APBB1IP: variants seen among roughly 807,000 people sequenced by gnomAD.
APBB1IP encodes the protein amyloid beta precursor protein binding family B member 1 interacting protein.
APBB1IP carries 27 observed loss-of-function variants against 64.9 expected under a neutral mutation model. The ratio of observed to expected loss-of-function variants is 0.42; its 90% CI spans 0.31 to 0.57. The LOEUF (loss-of-function observed/expected upper bound fraction) is 0.57. Among genes scored for constraint, APBB1IP ranks in the 20% least tolerant of loss-of-function variants. APBB1IP has a pLI of 0.20. For synonymous variants in APBB1IP, 392 were observed against 331.0 expected (o/e 1.18, Z -2.00); for missense variants, 812 against 845.5 (o/e 0.96, Z 0.49).
chr10:26,458,609 C>T (rs763019567), intron 2 of APBB1IP, among the ~76,000 whole-genome samples: 3 of 152,114 alleles, frequency 2.0e-5, no homozygotes, highest in Non-Finnish European at 2.9e-5. Context: ...TATATCAGAG[C>T]ATCACTGGAC....
chr10:26,500,444 C>T (rs1386900101), intron 4 of APBB1IP, among the ~76,000 whole-genome samples: 1 of 152,122 alleles, frequency 6.6e-6, no homozygotes, highest in Non-Finnish European at 1.5e-5. Context: ...TTCCAATGCT[C>T]CCCCCTCTGC....
chr10:26,504,496 G>A (rs576083344), intron 6 of APBB1IP, among the ~76,000 whole-genome samples: 1 of 152,224 alleles, frequency 6.6e-6, no homozygotes, highest in Admixed American at 6.5e-5. Flanking sequence ...GATCACCTGA[G>A]GTCAGGAGTT....
intron 2 of APBB1IP, among the ~76,000 whole-genome samples, chr10:26,443,551 C>T (rs201117556): frequency 1.0e-5 from 1 of 98,172 alleles, no homozygotes; most frequent in African/African-American, 4.3e-5. Flanking sequence ...TTTATTCATT[C>T]ATTCATTCAT....
At chr10:26,513,701 A>G in intron 8 of APBB1IP, 41 bp downstream of exon 8, 2 of 1,525,594 alleles carry the variant, frequency 1.3e-6, no homozygotes, top group Non-Finnish European at 1.7e-6. Context: ...TAAAGTACAA[A>G]GGATTTTTTT....
Position 26,561,235 on chromosome 10 carries a change from A to AT in APBB1IP, c.1369+397dup, listed in dbSNP as rs558626089. On this transcript the variant is annotated intron_variant, in intron 13 of 14. Coordinates refer to ENST00000376236, the MANE Select transcript of APBB1IP (RefSeq NM_019043.4). ...AAGCGCCCGCCACCATGCCTGGCTA[A>AT]TTTTTTGTATTTTTAGTAGAGACAG... 9.8e-3 allele frequency among the ~76,000 whole-genome samples: 1,470 copies of AT among 150,404 alleles called. 33 individuals carry two copies. The highest frequency in any genetic ancestry group is 0.033 in the African/African-American group (1,360 of 41,026).
chr10:26,567,659 T>C lies in APBB1IP; in HGVS notation c.*171T>C. 1 of 1,367,460 alleles carries C rather than the reference T, an allele frequency of 7.3e-7. No individual in the cohort carries two copies. Among genetic ancestry groups the C allele is most frequent in the Non-Finnish European group, 9.6e-7 (1 of 1,045,136 alleles). 84.7% of individuals were successfully genotyped at this position (1,367,460 alleles called of 1,614,324 possible). On this transcript the variant is annotated 3_prime_UTR_variant, in exon 15 of 15. Transcript: ENST00000376236. ...CATTAACCCAGTAGAGTTCAGAATA[T>C]CTGCCCAAATGTACATATCGTTCCC...
At chr10:26,454,763 G>A (rs933865813) in intron 2 of APBB1IP, among the ~76,000 whole-genome samples, 3 of 152,118 alleles carry the variant, frequency 2.0e-5, no homozygotes, top group Admixed American at 1.3e-4. Context: ...TGGAGGGGAC[G>A]GATACCTCAT....
At chr10:26,496,880 CTTTAT>C (rs983636418) in intron 4 of APBB1IP, among the ~76,000 whole-genome samples, 4 of 151,598 alleles carry the variant, frequency 2.6e-5, no homozygotes, top group African/African-American at 7.3e-5. Context: ...GAACTTGTCA[CTTTAT>C]TTTATTACCA....
intron 2 of APBB1IP, among the ~76,000 whole-genome samples, chr10:26,475,497 T>C (rs1458284846): frequency 6.6e-6 from 1 of 152,178 alleles, no homozygotes; most frequent in Non-Finnish European, 1.5e-5. Flanking sequence ...GTTCCACCTG[T>C]GTTTTTCCTT....
intron 8 of APBB1IP, among the ~76,000 whole-genome samples, chr10:26,532,495 T>C (rs1326606256): frequency 6.6e-6 from 1 of 152,136 alleles, no homozygotes; most frequent in East Asian, 1.9e-4. Flanking sequence ...TTTATTTTAT[T>C]TTTTGAGACA....
intron 2 of APBB1IP, among the ~76,000 whole-genome samples, chr10:26,441,949 A>G (rs368328744): frequency 1.3e-5 from 2 of 152,230 alleles, no homozygotes; most frequent in Non-Finnish European, 2.9e-5. Flanking sequence ...CATCACATCA[A>G]GATGAAAGCA....
chr10:26,513,531 T>A lies in APBB1IP; in HGVS notation c.692-8T>A. On this transcript the variant is annotated splice_polypyrimidine_tract_variant and splice_region_variant and intron_variant, in intron 7 of 14. Transcript: ENST00000376236. ...GGTCTGAAAGAATACCTTTTCTTAT[T>A]TCATCAGAGAGGTTTTTTGAAGACC... 6.2e-7 allele frequency: 1 copy of A among 1,611,938 alleles called. No individual in the cohort carries two copies. The highest frequency in any genetic ancestry group is 1.1e-5 in the South Asian group (1 of 90,294).
intron 6 of APBB1IP, 128 bp from the exon 7 acceptor site, chr10:26,511,619 G>A: frequency 8.9e-7 from 1 of 1,119,370 alleles, no homozygotes; most frequent in Non-Finnish European, 1.3e-6. Context: ...AGTTAGTTTA[G>A]ATGGAGCAAG....
chr10:26,563,947 A>G (rs1306356116), intron 14 of APBB1IP, among the ~76,000 whole-genome samples: 2 of 151,900 alleles, frequency 1.3e-5, no homozygotes, highest in African/African-American at 4.8e-5. Flanking sequence ...GCATTTAAAA[A>G]TGCTGAAAGA....
chr10:26,454,561 C>CA (rs35284647), intron 2 of APBB1IP, among the ~76,000 whole-genome samples: 60,515 of 151,348 alleles, frequency 0.4, 12,202 homozygotes, highest in South Asian at 0.5. Flanking sequence ...GGATGGTTAC[C>CA]GAGGCTGGGA....
intron 8 of APBB1IP, among the ~76,000 whole-genome samples, chr10:26,515,174 C>T (rs775775178): frequency 2.0e-5 from 3 of 152,056 alleles, no homozygotes; most frequent in East Asian, 3.9e-4. Context: ...AGCCACTGCA[C>T]CCAGCCCAAT....
chr10:26,564,568 C>T (rs1837015959), intron 14 of APBB1IP, among the ~76,000 whole-genome samples: 2 of 152,120 alleles, frequency 1.3e-5, no homozygotes, highest in Non-Finnish European at 2.9e-5. Flanking sequence ...TTTGGGAGGC[C>T]GAGGCAGGCG....
chr10:26,493,026 GC>G (rs951942268), intron 3 of APBB1IP, among the ~76,000 whole-genome samples: 49 of 152,050 alleles, frequency 3.2e-4, no homozygotes, highest in African/African-American at 9.4e-4. Context: ...CATTTTAGAG[GC>G]CCCCCCGGGA....
At chr10:26,440,970 C>T (rs1200120426) in intron 2 of APBB1IP, among the ~76,000 whole-genome samples, 6 of 152,108 alleles carry the variant, frequency 3.9e-5, no homozygotes, top group Admixed American at 2.0e-4. Flanking sequence ...AGTGAGTCCA[C>T]AAATCTTATA....
Sources: gnomAD v4.1 joint callset for allele counts (sites outside exome capture counted in the v4.1 genomes callset) on GRCh38, gnomAD v4.1.1 for gene constraint, MANE v1.5 for transcripts, NCBI Gene and HGNC (gene_info 2026-07-23, HGNC 2026-07-21) for gene names.